Variants in TUSC3 observed in about 807,000 individuals in gnomAD.
TUSC3 encodes the protein tumor suppressor candidate 3, also known as dolichyl-diphosphooligosaccharide--protein glycosyltransferase subunit TUSC3.
In TUSC3, 45 loss-of-function variants were observed where a neutral mutation model predicts 44.8. The ratio of observed to expected loss-of-function variants is 1.00; its 90% CI spans 0.79 to 1.29. The LOEUF (loss-of-function observed/expected upper bound fraction) is 1.29. TUSC3 is among the 50% of genes most tolerant of loss of function. The probability of loss-of-function intolerance (pLI) is 0.00; values close to 1 mark genes in which losing one functional copy is unlikely to be tolerated. For synonymous variants in TUSC3, 212 were observed against 152.9 expected, an observed-to-expected ratio of 1.39 and a Z score of -2.85; for missense variants, 519 against 437.9, an observed-to-expected ratio of 1.19 and a Z score of -1.65.
chr8:15,589,156 C>T lies in TUSC3; in HGVS notation c.139-33924C>T, dbSNP rs568519255. On this transcript the variant is annotated intron_variant, in intron 1 of 10. Coordinates refer to ENST00000503731, the MANE Select transcript of TUSC3 (RefSeq NM_006765.4). ...CCTACACCCTTTTGGTTTCCATTTA[C>T]GTGGGATATATTTTTGCATACCTTT... Among the ~76,000 whole-genome samples, 7 of 152,188 alleles carry T rather than the reference C, an allele frequency of 4.6e-5. No individual in the cohort carries two copies. In the East Asian group the frequency reaches 9.6e-4, roughly 21 times the overall value.
intron 2 of TUSC3, among the ~76,000 whole-genome samples, chr8:15,535,109 CTGTT>C (rs1268989863): frequency 8.5e-5 from 13 of 152,262 alleles, no homozygotes; most frequent in East Asian, 7.7e-4. Context: ...TAAATTATCA[CTGTT>C]TGTATGATAA....
At chr8:15,806,608 A>T in the TUSC3 span, 5,298 of 1,450,982 alleles carry the variant, frequency 3.7e-3, 139 homozygotes, top group Admixed American at 0.055. Context: ...TGAAGTGATC[A>T]TCTTCTTCAG....
chr8:15,678,628 T>A (rs1166398535), intron 6 of TUSC3, among the ~76,000 whole-genome samples: 2 of 152,232 alleles, frequency 1.3e-5, no homozygotes, highest in Admixed American at 6.5e-5. Flanking sequence ...ATTTTGTCTT[T>A]ATTTCACATT....
At chr8:15,443,273 A>T (rs779833990) in intron 1 of TUSC3, among the ~76,000 whole-genome samples, 3 of 151,156 alleles carry the variant, frequency 2.0e-5, no homozygotes, top group Non-Finnish European at 2.9e-5. Context: ...TCCTGGACTG[A>T]TCCTTCCACC....
chr8:15,540,368 G>C lies in TUSC3; in HGVS notation c.-63G>C. ...TCCCGGAGGCTGGCCGGGCAGGCGT[G>C]GTGCGCGGTAGGAGCTGGGCGCGCA... On this transcript the variant is annotated 5_prime_UTR_variant, in exon 1 of 11. Coordinates refer to ENST00000503731, the MANE Select transcript of TUSC3 (RefSeq NM_006765.4). The C allele has an allele frequency of 6.9e-7, 1 of 1,453,578 alleles. No homozygotes were observed. Among genetic ancestry groups the C allele is most frequent in the South Asian group, 1.4e-5 (1 of 72,782 alleles). 90.0% of individuals were successfully genotyped at this position (1,453,578 alleles called of 1,614,324 possible). A position where few individuals can be genotyped will look rare whatever the true frequency, so the allele number is the denominator to read the frequency against.
intron 5 of TUSC3, among the ~76,000 whole-genome samples, chr8:15,664,431 T>G (rs1344604313): frequency 7.2e-6 from 1 of 139,362 alleles, no homozygotes; most frequent in Non-Finnish European, 1.5e-5. Context: ...TGCTATGTTA[T>G]ACAGATTTAT....
intron 2 of TUSC3, among the ~76,000 whole-genome samples, chr8:15,635,163 G>C (rs900527216): frequency 6.6e-6 from 1 of 152,078 alleles, no homozygotes; most frequent in African/African-American, 2.4e-5. Context: ...CCCGGGAATG[G>C]TCAGGACAGA....
intron 2 of TUSC3, among the ~76,000 whole-genome samples, chr8:15,632,515 T>C (rs1805817751): frequency 6.6e-6 from 1 of 152,170 alleles, no homozygotes; most frequent in South Asian, 2.1e-4. Context: ...TTGCTTTTAT[T>C]AAGTATTTGG....
At chr8:15,816,987 G>C in the TUSC3 span, among the ~76,000 whole-genome samples, 2 of 152,154 alleles carry the variant, frequency 1.3e-5, no homozygotes, top group Non-Finnish European at 2.9e-5. Context: ...TAAAATATAA[G>C]ATGTGAAGGC....
chr8:15,429,446 A>C (rs370939741), intron 1 of TUSC3, among the ~76,000 whole-genome samples: 1 of 147,172 alleles, frequency 6.8e-6, no homozygotes, highest in East Asian at 1.9e-4. Flanking sequence ...TTGACTTGGC[A>C]ATGCGGGCTC....
chr8:15,530,982 G>A (rs1801441417), intron 2 of TUSC3, among the ~76,000 whole-genome samples: 1 of 152,116 alleles, frequency 6.6e-6, no homozygotes, highest in South Asian at 2.1e-4. Context: ...ATGACCTTCT[G>A]GGGGCATTCC....
intron 10 of TUSC3, among the ~76,000 whole-genome samples, chr8:15,759,653 A>G (rs985281278): frequency 6.6e-6 from 1 of 152,048 alleles, no homozygotes; most frequent in East Asian, 1.9e-4. Context: ...TTAGTTGACA[A>G]GCCCCTCTTG....
At chr8:15,807,104 G>A in the TUSC3 span, 41 of 1,237,624 alleles carry the variant, frequency 3.3e-5, no homozygotes, top group East Asian at 2.8e-4. Flanking sequence ...CAGGATGCCC[G>A]TTATACACAG....
chr8:15,774,774 A>G, the TUSC3 span, among the ~76,000 whole-genome samples: 6 of 152,240 alleles, frequency 3.9e-5, no homozygotes, highest in South Asian at 2.1e-4. Flanking sequence ...TCAAAATGAC[A>G]TATCACTCTG....
At chr8:15,484,738 C>T (rs953791577) in intron 2 of TUSC3, among the ~76,000 whole-genome samples, 1 of 152,150 alleles carries the variant, frequency 6.6e-6, no homozygotes, top group Admixed American at 6.5e-5. Context: ...TAAGCTGAAA[C>T]TGCGCAAAGC....
At chr8:15,485,010 A>G (rs1323067132) in intron 2 of TUSC3, among the ~76,000 whole-genome samples, 2 of 152,164 alleles carry the variant, frequency 1.3e-5, no homozygotes, top group African/African-American at 2.4e-5. Context: ...TTTTCTATGT[A>G]TCAGTGAATT....
At chr8:15,706,768 C>G (rs575068504) in intron 6 of TUSC3, among the ~76,000 whole-genome samples, 1 of 152,048 alleles carries the variant, frequency 6.6e-6, no homozygotes, top group South Asian at 2.1e-4. Context: ...TGATCACGAG[C>G]ATTTTCTAAG....
chr8:15,614,338 A>G (rs1265230449), intron 1 of TUSC3, among the ~76,000 whole-genome samples: 2 of 152,124 alleles, frequency 1.3e-5, no homozygotes, highest in Non-Finnish European at 1.5e-5. Context: ...ATTTAAGTGT[A>G]TGATTAAATG....
chr8:15,851,961 T>G, the TUSC3 span, among the ~76,000 whole-genome samples: 1 of 152,098 alleles, frequency 6.6e-6, no homozygotes, highest in Non-Finnish European at 1.5e-5. Flanking sequence ...GGAAATCCCT[T>G]TTGCTTGGAT....
Sources: gnomAD v4.1 joint callset for allele counts (sites outside exome capture counted in the v4.1 genomes callset) on GRCh38, gnomAD v4.1.1 for gene constraint, MANE v1.5 for transcripts, NCBI Gene and HGNC (gene_info 2026-07-23, HGNC 2026-07-21) for gene names.